Variants in ARHGAP21 observed in about 807,000 individuals in gnomAD.
ARHGAP21 encodes the protein rho GTPase-activating protein 21.
In ARHGAP21, 38 loss-of-function variants were observed where a neutral mutation model predicts 164.6. That is an observed-to-expected ratio of 0.23 (90% confidence interval 0.18 to 0.30). The LOEUF (loss-of-function observed/expected upper bound fraction) is 0.30. ARHGAP21 is among the 10% of genes least tolerant of loss of function. The probability of loss-of-function intolerance (pLI) is 1.00; values close to 1 mark genes in which losing one functional copy is unlikely to be tolerated. For synonymous variants in ARHGAP21, 766 were observed against 857.9 expected (o/e 0.89, Z 1.87); for missense variants, 1,822 against 2,370.7 (o/e 0.77, Z 4.81).
At chr10:24,703,190 T>C (rs1368979948) in intron 2 of ARHGAP21, among the ~76,000 whole-genome samples, 1 of 152,176 alleles carries the variant, frequency 6.6e-6, no homozygotes, top group African/African-American at 2.4e-5. Context: ...ATTTGAAGGA[T>C]TTAATTAAGT....
intron 4 of ARHGAP21, among the ~76,000 whole-genome samples, chr10:24,655,530 T>A (rs192479070): frequency 6.6e-6 from 1 of 152,306 alleles, no homozygotes. Flanking sequence ...ATGCTCATCA[T>A]CGCGGCTGGA....
intron 13 of ARHGAP21, among the ~76,000 whole-genome samples, 170 bp from the exon 14 acceptor site, chr10:24,601,100 A>C (rs2076795783): frequency 6.6e-6 from 1 of 152,240 alleles, no homozygotes; most frequent in Non-Finnish European, 1.5e-5. Flanking sequence ...AAAATTGTGG[A>C]GCATAAACTG....
intron 2 of ARHGAP21, among the ~76,000 whole-genome samples, chr10:24,689,273 CA>C (rs1248627015): frequency 6.6e-6 from 1 of 152,086 alleles, no homozygotes; most frequent in Non-Finnish European, 1.5e-5. Flanking sequence ...GCTAATGTAT[CA>C]TTTTTTTTCT....
At chr10:24,607,926 G>C in intron 9 of ARHGAP21, 23 bp from the exon 10 acceptor site, 1 of 1,576,236 alleles carries the variant, frequency 6.3e-7, no homozygotes, top group Non-Finnish European at 8.6e-7. Flanking sequence ...AGGAAAATCA[G>C]AATGTTCAAT....
chr10:24,628,088 A>G (rs534242071), intron 7 of ARHGAP21, among the ~76,000 whole-genome samples: 31 of 152,328 alleles, frequency 2.0e-4, no homozygotes, highest in Middle Eastern at 3.4e-3. Flanking sequence ...AGAGCACTAG[A>G]GAAGAATTCC....
intron 9 of ARHGAP21, among the ~76,000 whole-genome samples, chr10:24,615,420 A>G (rs1051558644): frequency 6.6e-6 from 1 of 152,214 alleles, no homozygotes; most frequent in Non-Finnish European, 1.5e-5. Flanking sequence ...AGTCTTAGAG[A>G]TATGACAAAA....
At chr10:24,670,629 TAGTC>T (rs373937615) in intron 2 of ARHGAP21, among the ~76,000 whole-genome samples, 54 of 152,138 alleles carry the variant, frequency 3.5e-4, no homozygotes, top group African/African-American at 1.1e-3. Context: ...CATAAAAAAT[TAGTC>T]AGAAGAAAGA....
chr10:24,707,519 G>A (rs1406997253), intron 2 of ARHGAP21, among the ~76,000 whole-genome samples: 1 of 152,064 alleles, frequency 6.6e-6, no homozygotes, highest in Non-Finnish European at 1.5e-5. Context: ...TTTCTCCCAA[G>A]CTCCAAATCT....
chr10:24,707,439 C>T (rs984842644), intron 2 of ARHGAP21, among the ~76,000 whole-genome samples: 1 of 152,164 alleles, frequency 6.6e-6, no homozygotes, highest in Non-Finnish European at 1.5e-5. Context: ...CTTACACTTC[C>T]ATAGGTGAAG....
At chr10:24,668,389 C>T (rs1017843130) in intron 3 of ARHGAP21, among the ~76,000 whole-genome samples, 9 of 152,186 alleles carry the variant, frequency 5.9e-5, no homozygotes, top group African/African-American at 2.2e-4. Flanking sequence ...CAAAACTGTG[C>T]CTGTTCGATT....
rs1249798851 is a variant in ARHGAP21 at position 24,619,497 on chromosome 10, A to T, written c.2398T>A (p.Ser800Thr). 6.2e-7 allele frequency: 1 copy of T among 1,614,048 alleles called. No homozygotes were observed. Among genetic ancestry groups the T allele is most frequent in the Non-Finnish European group, 8.5e-7 (1 of 1,180,000 alleles). Residue 800 changes from serine (S) to threonine (T), a missense_variant, in exon 9 of 26, where the codon TCT (serine) becomes ACT (threonine). By Grantham distance (58) the Ser-to-Thr change is moderately conservative. Transcript: ENST00000396432. ...CCTATAAATGGGATGGAAGCCAAAG[A>T]ATCGCCAGGCGGACTGGTACTCGAG... ...KASSTSPPGD[S>T]LASIPFIDEP...
In ARHGAP21 at chr10:24,585,373, C is replaced by T. The variant is rs1143059; in HGVS notation, c.4916G>A (p.Ser1639Asn). 2 of 1,613,938 alleles carry T rather than the reference C, an allele frequency of 1.2e-6. No individual in the cohort carries two copies. The highest frequency in any genetic ancestry group is 1.7e-5 in the Admixed American group (1 of 60,024). The change falls in exon 26 of 26, where the codon AGC (serine) becomes AAC (asparagine). Residue 1639 changes from serine to asparagine, a missense_variant. By Grantham distance (46) the Ser-to-Asn change is conservative (BLOSUM62 1). Transcript: ENST00000396432. ...EGRPVETDSE[S>N]EFPVFPTALT... ...GGCTGTGGGGAACACGGGAAACTCGCTCTCGCTGTCGGTTTCCACAGGCCG... is the reference window on the plus strand; with the variant it reads ...GGCTGTGGGGAACACGGGAAACTCGTTCTCGCTGTCGGTTTCCACAGGCCG...
In ARHGAP21 at chr10:24,649,629, G is replaced by A. The variant is rs144790048; in HGVS notation, c.269-14526C>T. On this transcript the variant is annotated intron_variant, in intron 4 of 25. Transcript: ENST00000396432. ...ACAAAAGCAAACACCAATCAACTTG[G>A]AGAAGAGATTTTTTGTCTTAGATCT... 5.9e-3 allele frequency among the ~76,000 whole-genome samples: 901 copies of A among 152,028 alleles called. 10 individuals carry two copies. Among genetic ancestry groups the A allele is most frequent in the African/African-American group, 0.021 (867 of 41,458 alleles).
intron 14 of ARHGAP21, among the ~76,000 whole-genome samples, chr10:24,599,627 C>T (rs2076728498): frequency 6.6e-6 from 1 of 152,028 alleles, no homozygotes; most frequent in Non-Finnish European, 1.5e-5. Context: ...AATAAATAGG[C>T]ATGAAAAGTG....
At chr10:24,689,981 CA>C (rs1842620007) in intron 2 of ARHGAP21, among the ~76,000 whole-genome samples, 1 of 150,292 alleles carries the variant, frequency 6.7e-6, no homozygotes, top group Non-Finnish European at 1.5e-5. Context: ...CACATACACA[CA>C]AAAAATACAT....
chr10:24,673,840 T>TGCA (rs972147581), intron 2 of ARHGAP21, among the ~76,000 whole-genome samples: 2 of 151,996 alleles, frequency 1.3e-5, no homozygotes, highest in African/African-American at 2.4e-5. Context: ...CCAGCCTGGG[T>TGCA]GCAGAGTGAG....
In ARHGAP21 at chr10:24,723,673, C is replaced by CCCGCCGCCGCCGCCG. The variant is rs558378115; in HGVS notation, c.-507_-493dup. 3 of 147,286 alleles carry CCCGCCGCCGCCGCCG rather than the reference C, an allele frequency of 2.0e-5. No individual in the cohort carries two copies. Among genetic ancestry groups the CCCGCCGCCGCCGCCG allele is most frequent in the Admixed American group, 6.8e-5 (1 of 14,690 alleles). 9.1% of individuals were successfully genotyped at this position (147,286 alleles called of 1,614,324 possible). A position where few individuals can be genotyped will look rare whatever the true frequency, so the allele number is the denominator to read the frequency against. On this transcript the variant is annotated 5_prime_UTR_variant, in exon 1 of 26. Coordinates refer to ENST00000396432, the MANE Select transcript of ARHGAP21 (RefSeq NM_020824.4). ...CCCGCAGCCGGACGATCCCGCGCTGCCCGCCGCCGCCGCCGCCGCCGCCGC... is the reference window on the plus strand; with the variant it reads ...CCCGCAGCCGGACGATCCCGCGCTGCCCGCCGCCGCCGCCGCCGCCGCCGCCGCCGCCGCCGCCGC...
intron 2 of ARHGAP21, among the ~76,000 whole-genome samples, chr10:24,678,783 T>A (rs1444919416): frequency 6.6e-6 from 1 of 152,196 alleles, no homozygotes; most frequent in Non-Finnish European, 1.5e-5. Flanking sequence ...TCCTCCTGCC[T>A]TAGCCTCCCA....
At chr10:24,667,072 G>C in intron 3 of ARHGAP21, 63 bp from the exon 4 acceptor site, 2 of 911,086 alleles carry the variant, frequency 2.2e-6, no homozygotes, top group Non-Finnish European at 3.2e-6. Flanking sequence ...GTTAATCACA[G>C]CAAGGCTCAA....
Sources: allele counts gnomAD v4.1 joint callset (sites outside exome capture counted in the v4.1 genomes callset), GRCh38; gene constraint gnomAD v4.1.1; transcripts MANE v1.5; gene names NCBI Gene and HGNC (gene_info 2026-07-23, HGNC 2026-07-21).